Variants in ZC3H12B observed in about 807,000 individuals in gnomAD.
The protein encoded by ZC3H12B is zinc finger CCCH-type containing 12B, also known as probable ribonuclease ZC3H12B.
ZC3H12B carries 7 observed loss-of-function variants against 43.9 expected under a neutral mutation model. The observed-to-expected ratio is 0.16, with a 90% CI of 0.09 to 0.30. The LOEUF (loss-of-function observed/expected upper bound fraction) is 0.30. Among genes scored for constraint, ZC3H12B ranks in the 10% least tolerant of loss-of-function variants. The pLI is 1.00. For synonymous variants in ZC3H12B, 222 were observed against 241.7 expected, an observed-to-expected ratio of 0.92 and a Z score of 0.76; for missense variants, 475 against 670.2, an observed-to-expected ratio of 0.71 and a Z score of 3.22.
chrX:65,243,654 A>G, the ZC3H12B span, among the ~76,000 whole-genome samples: 1 of 112,348 alleles, frequency 8.9e-6, no homozygotes, highest in African/African-American at 3.2e-5. Flanking sequence ...AGTATATTCA[A>G]GAGATATCTG....
the ZC3H12B span, among the ~76,000 whole-genome samples, chrX:65,251,777 A>G: frequency 2.7e-5 from 3 of 111,502 alleles, no homozygotes; most frequent in African/African-American, 9.8e-5. Flanking sequence ...ATTTTTGCAC[A>G]TTGATTTTGT....
At chrX:65,058,532 C>G in the ZC3H12B span, among the ~76,000 whole-genome samples, 8 of 112,156 alleles carry the variant, frequency 7.1e-5, no homozygotes, top group Admixed American at 1.9e-4. Context: ...TAGGGACCCA[C>G]TTGAGGAGGC....
the ZC3H12B span, among the ~76,000 whole-genome samples, chrX:65,116,750 G>A: frequency 9.2e-6 from 1 of 108,993 alleles, no homozygotes; most frequent in Admixed American, 9.8e-5. Flanking sequence ...AGTGTGTGAT[G>A]TTCCCCACCC....
At chrX:65,496,962 A>G (rs1310247230) in intron 1 of ZC3H12B, among the ~76,000 whole-genome samples, 170 bp from the exon 7 acceptor site, 6 of 110,335 alleles carry the variant, frequency 5.4e-5, no homozygotes, top group Non-Finnish European at 1.1e-4. Context: ...AAAAAAAAAA[A>G]AAGAAAAAAA....
intron 2 of ZC3H12B, among the ~76,000 whole-genome samples, chrX:65,372,955 G>A (rs776805968): frequency 9.8e-5 from 11 of 112,397 alleles, no homozygotes; most frequent in Non-Finnish European, 1.9e-4. Context: ...TCAGAGAAGA[G>A]TGAACTGAAT....
the ZC3H12B span, among the ~76,000 whole-genome samples, chrX:65,036,278 A>C: frequency 1.8e-5 from 2 of 112,338 alleles, no homozygotes; most frequent in Non-Finnish European, 1.9e-5. Flanking sequence ...AATTTAGATT[A>C]GTAATTTTGA....
chrX:65,188,217 C>A, the ZC3H12B span, among the ~76,000 whole-genome samples: 1 of 111,398 alleles, frequency 9.0e-6, no homozygotes, highest in Admixed American at 9.6e-5. Flanking sequence ...TGTTGATGGA[C>A]ACTTAGGTTG....
the ZC3H12B span, among the ~76,000 whole-genome samples, chrX:65,310,173 T>G: frequency 2.7e-5 from 3 of 111,729 alleles, no homozygotes; most frequent in Admixed American, 1.9e-4. Flanking sequence ...GAGAAAGAAA[T>G]AAAGTGTATT....
chrX:65,328,620 A>T, the ZC3H12B span: 2 of 156,502 alleles, frequency 1.3e-5, no homozygotes, highest in South Asian at 2.8e-4. Context: ...TTTGTTACAT[A>T]TGTATACATG....
At chrX:65,328,910 G>A in the ZC3H12B span, among the ~76,000 whole-genome samples, 4 of 109,598 alleles carry the variant, frequency 3.6e-5, no homozygotes, top group Non-Finnish European at 5.7e-5. Flanking sequence ...AGTATTCCAT[G>A]GTGTATATGT....
At chrX:65,159,451 G>T in the ZC3H12B span, among the ~76,000 whole-genome samples, 1 of 111,529 alleles carries the variant, frequency 9.0e-6, no homozygotes, top group Non-Finnish European at 1.9e-5. Context: ...TTGAGCAGTG[G>T]TCTGTAGTTC....
the ZC3H12B span, among the ~76,000 whole-genome samples, chrX:65,090,507 C>G: frequency 9.0e-6 from 1 of 111,716 alleles, no homozygotes; most frequent in Admixed American, 9.5e-5. Context: ...GGTTTCTTCC[C>G]TACTCTGAAC....
At chrX:65,205,016 A>C in the ZC3H12B span, among the ~76,000 whole-genome samples, 1 of 112,117 alleles carries the variant, frequency 8.9e-6, no homozygotes, top group African/African-American at 3.2e-5. Flanking sequence ...GAACTGTAGT[A>C]ATCCATTATC....
chrX:65,498,439 AAT>A (rs2068321413), intron 2 of ZC3H12B, among the ~76,000 whole-genome samples: 1 of 111,852 alleles, frequency 8.9e-6, no homozygotes, highest in Admixed American at 9.5e-5. Context: ...TCAGTCTGAG[AAT>A]AGATCCTAGC....
At chrX:65,231,767 C>A in the ZC3H12B span, among the ~76,000 whole-genome samples, 1 of 111,518 alleles carries the variant, frequency 9.0e-6, no homozygotes, top group Non-Finnish European at 1.9e-5. Flanking sequence ...TTATTCTGTT[C>A]TTTTTCAGAG....
At chrX:65,039,459 A>G in the ZC3H12B span, among the ~76,000 whole-genome samples, 1 of 111,805 alleles carries the variant, frequency 8.9e-6, no homozygotes, top group Non-Finnish European at 1.9e-5. Flanking sequence ...ACTTAAAGCC[A>G]TTGTACAGTA....
At chrX:65,251,353 G>C in the ZC3H12B span, among the ~76,000 whole-genome samples, 1 of 111,606 alleles carries the variant, frequency 9.0e-6, no homozygotes, top group Non-Finnish European at 1.9e-5. Context: ...TTGTAGTATA[G>C]TTTGAAATCA....
At chrX:65,451,693 G>A (rs762180444) in intron 3 of ZC3H12B, among the ~76,000 whole-genome samples, 13 of 111,593 alleles carry the variant, frequency 1.2e-4, no homozygotes, top group Non-Finnish European at 2.1e-4. Flanking sequence ...AGTCTTTATG[G>A]GATGTCTTTG....
intron 3 of ZC3H12B, among the ~76,000 whole-genome samples, chrX:65,457,421 C>A (rs193018700): frequency 1.4e-5 from 1 of 73,464 alleles, no homozygotes; most frequent in Non-Finnish European, 2.4e-5. Context: ...CCTGGCCGGC[C>A]GCCCCGTCCG....
Sources: allele counts gnomAD v4.1 joint callset (sites outside exome capture counted in the v4.1 genomes callset), GRCh38; gene constraint gnomAD v4.1.1; transcripts MANE v1.5; gene names NCBI Gene and HGNC (gene_info 2026-07-23, HGNC 2026-07-21).